The following FGGY variants were observed in gnomAD, a reference collection of about 807,000 sequenced individuals.
FGGY encodes the protein FGGY carbohydrate kinase domain-containing protein.
FGGY carries 72 observed loss-of-function variants against 71.3 expected under a neutral mutation model. That is an observed-to-expected ratio of 1.01 (90% CI 0.84 to 1.23). The LOEUF (loss-of-function observed/expected upper bound fraction) is 1.23, where lower values mean the gene tolerates loss of function less well. FGGY is among the 50% of genes most tolerant of loss of function. The pLI, the probability that FGGY is intolerant of heterozygous loss-of-function variation, is 0.00. For missense variants in FGGY, 668 were observed against 682.3 expected (o/e 0.98, Z 0.23); for synonymous variants, 251 against 250.3 (o/e 1.00, Z -0.02).
intron 14 of FGGY, among the ~76,000 whole-genome samples, chr1:59,717,868 C>T (rs1033048230): frequency 6.6e-6 from 1 of 152,184 alleles, no homozygotes; most frequent in African/African-American, 2.4e-5. Flanking sequence ...CTCTTCTAAT[C>T]GCTTAACATA....
At chr1:59,397,073 G>A (rs546520566) in intron 5 of FGGY, among the ~76,000 whole-genome samples, 1 of 150,968 alleles carries the variant, frequency 6.6e-6, no homozygotes, top group Non-Finnish European at 1.5e-5. Context: ...ATCTAAAAGT[G>A]ATTTAACAAT....
rs185391751 is a variant in FGGY at position 59,540,649 on chromosome 1, A to G, written c.800-13475A>G. ...ACTAAATTCTATACTTAAAATCTGT[A>G]GCTTTTTAATGTAGGTTATACTTCA... On this transcript the variant is annotated intron_variant, in intron 7 of 15. Transcript: ENST00000303721. Among the ~76,000 whole-genome samples, 12 of 152,352 alleles carry G rather than the reference A, an allele frequency of 7.9e-5. No homozygotes were observed. The East Asian group carries it at 2.3e-3, about 29-fold the overall frequency.
At chr1:59,495,070 T>C (rs1456756985) in intron 6 of FGGY, among the ~76,000 whole-genome samples, 3 of 152,214 alleles carry the variant, frequency 2.0e-5, no homozygotes, top group African/African-American at 7.2e-5. Context: ...TGGTATCTCA[T>C]TGTGATTTTG....
At chr1:59,540,946 A>G (rs1240534225) in intron 7 of FGGY, among the ~76,000 whole-genome samples, 2 of 152,222 alleles carry the variant, frequency 1.3e-5, no homozygotes, top group East Asian at 3.8e-4. Flanking sequence ...CCACCTTGCT[A>G]TACTCATAAT....
At chr1:59,632,226 A>G (rs528624147) in intron 10 of FGGY, among the ~76,000 whole-genome samples, 1 of 152,326 alleles carries the variant, frequency 6.6e-6, no homozygotes, top group Admixed American at 6.5e-5. Context: ...ATACATATAC[A>G]CATATGCATA....
chr1:59,420,545 T>C (rs2065228557), intron 5 of FGGY, among the ~76,000 whole-genome samples: 1 of 152,170 alleles, frequency 6.6e-6, no homozygotes, highest in African/African-American at 2.4e-5. Context: ...ACCTCATCCA[T>C]TTTGTGAGTC....
chr1:59,504,234 T>G (rs1030287503), intron 6 of FGGY, among the ~76,000 whole-genome samples: 15 of 152,208 alleles, frequency 9.9e-5, no homozygotes, highest in Admixed American at 9.8e-4. Flanking sequence ...CATGTGCATC[T>G]GTTCATCTGT....
intron 9 of FGGY, among the ~76,000 whole-genome samples, chr1:59,613,649 G>C (rs1209042258): frequency 2.0e-5 from 3 of 152,094 alleles, no homozygotes; most frequent in Non-Finnish European, 2.9e-5. Flanking sequence ...ACTAAAATCA[G>C]AGCAGAACTG....
intron 9 of FGGY, among the ~76,000 whole-genome samples, chr1:59,614,519 A>G (rs2096728504): frequency 6.6e-6 from 1 of 152,212 alleles, no homozygotes; most frequent in Non-Finnish European, 1.5e-5. Context: ...AGAGCTATCT[A>G]TGACAAACCC....
At chr1:59,323,552 G>A (rs1329609511) in intron 2 of FGGY, among the ~76,000 whole-genome samples, 1 of 152,212 alleles carries the variant, frequency 6.6e-6, no homozygotes, top group African/African-American at 2.4e-5. Flanking sequence ...TTTTATGTTA[G>A]AGAGATAATA....
chr1:59,440,152 A>AT (rs111605711), intron 5 of FGGY, among the ~76,000 whole-genome samples: 3 of 151,076 alleles, frequency 2.0e-5, no homozygotes, highest in Admixed American at 6.6e-5. Context: ...AATTTAGGCC[A>AT]TTTTTTCCCC....
chr1:59,736,993 G>A (rs1397797510), intron 14 of FGGY, among the ~76,000 whole-genome samples: 1 of 152,210 alleles, frequency 6.6e-6, no homozygotes, highest in Non-Finnish European at 1.5e-5. Flanking sequence ...TCAAGACTTG[G>A]TGCCCTGAAT....
intron 14 of FGGY, among the ~76,000 whole-genome samples, chr1:59,749,114 G>A (rs1418616675): frequency 6.6e-6 from 1 of 152,174 alleles, no homozygotes; most frequent in Non-Finnish European, 1.5e-5. Flanking sequence ...AGGAGGCATG[G>A]AAGCTCACTG....
At chr1:59,596,729 C>G (rs1161620599) in intron 8 of FGGY, among the ~76,000 whole-genome samples, 1 of 152,140 alleles carries the variant, frequency 6.6e-6, no homozygotes, top group African/African-American at 2.4e-5. Flanking sequence ...GAAAGATTCA[C>G]AGGCCTAGTC....
intron 8 of FGGY, among the ~76,000 whole-genome samples, chr1:59,594,124 A>G (rs980017642): frequency 6.6e-6 from 1 of 152,152 alleles, no homozygotes; most frequent in African/African-American, 2.4e-5. Flanking sequence ...AGCAACCCTC[A>G]TCTGGCATGG....
rs542754427 is a variant in FGGY at position 59,424,616 on chromosome 1, G to T, written c.555-32345G>T. Among the ~76,000 whole-genome samples the T allele has an allele frequency of 2.6e-5, 4 of 152,250 alleles. No homozygotes were observed. In the East Asian group the frequency reaches 7.7e-4, roughly 29 times the overall value. On this transcript the variant is annotated intron_variant, in intron 5 of 15. Transcript: ENST00000303721. Reference sequence around the variant, plus strand: ...GAAAATATGCAATTTAGTTCAGCTTGTTTGGTGCTGGTAATACTTTATTTT... The same window carrying T: ...GAAAATATGCAATTTAGTTCAGCTTTTTTGGTGCTGGTAATACTTTATTTT...
chr1:59,542,445 C>CTTTTTTTTTTTTTTTT (rs754831417), intron 7 of FGGY, among the ~76,000 whole-genome samples: 2 of 34,258 alleles, frequency 5.8e-5, no homozygotes, highest in Non-Finnish European at 1.1e-4. Flanking sequence ...ATGTTCTTTA[C>CTTTTTTTTTTTTTTTT]TTTTTTTTTT....
intron 5 of FGGY, among the ~76,000 whole-genome samples, chr1:59,416,100 G>A (rs1461144297): frequency 6.6e-6 from 1 of 152,220 alleles, no homozygotes; most frequent in East Asian, 1.9e-4. Flanking sequence ...GTGGAGAAGA[G>A]AATGAATCAG....
chr1:59,615,504 A>G (rs1309223230), intron 9 of FGGY, among the ~76,000 whole-genome samples: 2 of 152,232 alleles, frequency 1.3e-5, no homozygotes, highest in African/African-American at 4.8e-5. Context: ...TTCAAGATGG[A>G]TTAAAGACTT....
Sources: allele counts gnomAD v4.1 joint callset (sites outside exome capture counted in the v4.1 genomes callset), GRCh38; gene constraint gnomAD v4.1.1; transcripts MANE v1.5; gene names NCBI Gene and HGNC (gene_info 2026-07-23, HGNC 2026-07-21).